The following HNF1A variants were observed in gnomAD, a reference collection of about 807,000 sequenced individuals.
HNF1A encodes the protein hepatocyte nuclear factor 1-alpha.
In HNF1A, 21 loss-of-function variants were observed where a neutral mutation model predicts 62.2. The ratio of observed to expected loss-of-function variants is 0.34; its 90% CI spans 0.24 to 0.49. The LOEUF (loss-of-function observed/expected upper bound fraction) is 0.49, where lower values mean the gene tolerates loss of function less well. HNF1A is among the 20% of genes least tolerant of loss of function. The probability of loss-of-function intolerance (pLI) is 0.99; values close to 1 mark genes in which losing one functional copy is unlikely to be tolerated. For synonymous variants in HNF1A, 374 were observed against 366.8 expected, an observed-to-expected ratio of 1.02 and a Z score of -0.22; for missense variants, 687 against 832.3, an observed-to-expected ratio of 0.83 and a Z score of 2.15.
chr12:120,999,079 C>T (rs370216903), intron 7 of HNF1A, among the ~76,000 whole-genome samples, 189 bp from the exon 8 acceptor site: 1 of 152,206 alleles, frequency 6.6e-6, no homozygotes, highest in East Asian at 1.9e-4. Flanking sequence ...TGAGCAGTTC[C>T]CTGTAATGGG....
At chr12:120,999,840 A>G (rs1592898705) in intron 9 of HNF1A, among the ~76,000 whole-genome samples, 2 of 152,266 alleles carry the variant, frequency 1.3e-5, no homozygotes, top group African/African-American at 4.8e-5. Flanking sequence ...CCCACCTTAC[A>G]AGAACATCTC....
chr12:120,981,473 C>T (rs1457293975), intron 1 of HNF1A, among the ~76,000 whole-genome samples: 1 of 152,200 alleles, frequency 6.6e-6, no homozygotes, highest in Non-Finnish European at 1.5e-5. Flanking sequence ...GCCTTGGTTT[C>T]GTTCCCCTCC....
chr12:120,988,808 A>C (rs970244130), intron 1 of HNF1A, 25 bp from the exon 2 acceptor site: 8 of 1,612,186 alleles, frequency 5.0e-6, no homozygotes, highest in Non-Finnish European at 6.8e-6. Context: ...CTTGCTGAGC[A>C]GATCCCGTCC....
rs558336959 is a variant in HNF1A, at chr12:120,990,261, C to A, written c.526+1229C>A. On this transcript the variant is annotated intron_variant, in intron 2 of 9. Transcript: ENST00000257555. ...GGTTCATGCCATTCTCCTGCCTCAG[C>A]CTCCCGAGTAGCTGGGACTACAGGT... 1.5e-4 allele frequency among the ~76,000 whole-genome samples: 23 copies of A among 152,200 alleles called. No homozygotes were observed. The South Asian group carries it at 4.4e-3, about 29-fold the overall frequency.
intron 6 of HNF1A, chr12:120,997,093 C>A (rs1162926557): frequency 5.7e-6 from 8 of 1,405,732 alleles, no homozygotes; most frequent in Non-Finnish European, 7.5e-6. Flanking sequence ...CCCTTATTTG[C>A]AGGTACAATT....
chr12:120,993,652 G>C lies in HNF1A; in HGVS notation c.659G>C (p.Arg220Thr), dbSNP rs1876936568. The C allele has an allele frequency of 6.2e-7, 1 of 1,614,008 alleles. No individual in the cohort carries two copies. ...SQQILFQAYE[R>T]QKNPSKEERE... The stretch of plus-strand genomic sequence containing the variant: ...CAGATCCTGTTCCAGGCCTATGAGA[G>C]GCAGAAGAACCCTAGCAAGGAGGAG... The change falls in exon 3 of 10, where the codon AGG (arginine) becomes ACG (threonine). Residue 220 changes from arginine to threonine, a missense_variant. This residue lies in a region of HNF1A where 47 missense variants were observed against 109.4 expected (regional missense o/e 0.43). Coordinates refer to ENST00000257555, the MANE Select transcript of HNF1A (RefSeq NM_000545.8).
Position 120,982,321 on chromosome 12 carries a change from C to T in HNF1A, c.326+3227C>T, listed in dbSNP as rs189914647. Among the ~76,000 whole-genome samples, 1,404 of 152,234 alleles carry T rather than the reference C, an allele frequency of 9.2e-3. 9 individuals are homozygous for T. Among genetic ancestry groups the T allele is most frequent in the Non-Finnish European group, 0.014 (920 of 68,006 alleles). On this transcript the variant is annotated intron_variant, in intron 1 of 9. Coordinates refer to ENST00000257555, the MANE Select transcript of HNF1A (RefSeq NM_000545.8). ...CTGACCTCAGGTGATCCGCCCGCCT[C>T]GGCCTCCCAAAGTGCTGGGATTACA...
rs1216376591 is a variant in HNF1A, at chr12:120,978,606, G to T, written c.-163G>T. 2.8e-6 allele frequency: 2 copies of T among 702,210 alleles called. No individual in the cohort carries two copies. Among genetic ancestry groups the T allele is most frequent in the African/African-American group, 3.5e-5 (2 of 57,392 alleles). 43.5% of individuals were successfully genotyped at this position (702,210 alleles called of 1,614,324 possible). On this transcript the variant is annotated 5_prime_UTR_variant, in exon 1 of 10. Coordinates refer to ENST00000257555, the MANE Select transcript of HNF1A (RefSeq NM_000545.8). The stretch of plus-strand genomic sequence containing the variant: ...ACGGGCCGCTGGGGCCAGGGTTGGG[G>T]GTTGGGGGTGCCCACAGGGCTTGGC...
chr12:120,989,338 A>T (rs1876696699), intron 2 of HNF1A, among the ~76,000 whole-genome samples: 1 of 151,642 alleles, frequency 6.6e-6, no homozygotes, highest in Admixed American at 6.6e-5. Flanking sequence ...GCTCACTGTG[A>T]CCTCCTCCTC....
intron 1 of HNF1A, among the ~76,000 whole-genome samples, chr12:120,986,151 T>C (rs1413751179): frequency 1.3e-5 from 2 of 152,160 alleles, no homozygotes; most frequent in Admixed American, 6.6e-5. Context: ...TTGCGTGCCC[T>C]CCGGTATTTT....
rs34056805 is a variant in HNF1A, at chr12:120,979,044, C to T, written c.276C>T (p.Leu92=). Residue 92 remains leucine, a synonymous_variant, in exon 1 of 10, where the codon CTC becomes CTT. Coordinates refer to ENST00000257555, the MANE Select transcript of HNF1A (RefSeq NM_000545.8). The stretch of plus-strand genomic sequence containing the variant: ...CCATCCTCAAAGAGCTGGAGAACCT[C>T]AGCCCTGAGGAGGCGGCCCACCAGA... ...TPPILKELEN[L]SPEEAAHQKA... is the part of the protein sequence containing the mutation. 788 of 1,612,340 alleles carry T rather than the reference C, an allele frequency of 4.9e-4. 3 individuals carry two copies. The African/African-American group carries it at 8.0e-3, about 16-fold the overall frequency.
chr12:120,979,221 G>A, intron 1 of HNF1A, 127 bp downstream of exon 1: 2 of 887,652 alleles, frequency 2.3e-6, no homozygotes, highest in Admixed American at 2.0e-5. Context: ...CTGGGAAGGG[G>A]GACAGGGCCC....
rs568268686 is a variant in HNF1A, at chr12:120,979,636, G to A, written c.326+542G>A. 9.5e-5 allele frequency: 15 copies of A among 158,702 alleles called. No homozygotes were observed. In the South Asian group the frequency reaches 2.5e-3, roughly 27 times the overall value. The allele number at this position is 158,702 out of a possible 1,614,324, so 9.8% of individuals were successfully genotyped here. A position where few individuals can be genotyped will look rare whatever the true frequency, so the allele number is the denominator to read the frequency against. ...TACCTGAGGCAGACAGAGCCTCGAGGTGGGAGCTGCTCCCCTTTCCTGTAT... is the reference window on the plus strand; with the variant it reads ...TACCTGAGGCAGACAGAGCCTCGAGATGGGAGCTGCTCCCCTTTCCTGTAT... On this transcript the variant is annotated intron_variant, in intron 1 of 9. Transcript: ENST00000257555.
At position 120,996,420 on chromosome 12, in the gene HNF1A, G is replaced by A. The variant is rs1593060703; in HGVS notation, c.1107+7G>A. On this transcript the variant is annotated splice_region_variant and intron_variant, in intron 5 of 9. Coordinates refer to ENST00000257555, the MANE Select transcript of HNF1A (RefSeq NM_000545.8). The surrounding 1 kb of genome is among the most constrained non-coding windows in gnomAD (Gnocchi z 4.5). ...GAGTACAGAAGCCAAGCTGGTGAGT[G>A]TCCTTGCTTGTAAGGAAAACCCAAC... 1.2e-6 allele frequency: 2 copies of A among 1,614,164 alleles called. No individual in the cohort carries two copies. Among genetic ancestry groups the A allele is most frequent in the Non-Finnish European group, 1.7e-6 (2 of 1,180,020 alleles).
intron 2 of HNF1A, 32 bp downstream of exon 2, chr12:120,989,064 G>T: frequency 3.1e-6 from 5 of 1,607,990 alleles, no homozygotes; most frequent in Non-Finnish European, 4.3e-6. Flanking sequence ...CATCTTCCCT[G>T]GGAGGGCCCA....
At chr12:120,982,453 C>T (rs566971730) in intron 1 of HNF1A, among the ~76,000 whole-genome samples, 3 of 148,606 alleles carry the variant, frequency 2.0e-5, no homozygotes, top group Admixed American at 6.7e-5. Flanking sequence ...ACAGTAGCCA[C>T]GGCAGGAGGG....
intron 8 of HNF1A, 25 bp from the exon 9 acceptor site, chr12:120,999,458 T>C (rs1877307535): frequency 1.2e-6 from 2 of 1,613,598 alleles, no homozygotes; most frequent in Non-Finnish European, 8.5e-7. Flanking sequence ...TCCCCCGGGC[T>C]CAGGAGGCTG....
rs773603125 is a variant in HNF1A, at chr12:120,979,117, C to A, written c.326+23C>A. 5.0e-6 allele frequency: 8 copies of A among 1,588,850 alleles called. No homozygotes were observed. The African/African-American group carries it at 1.1e-4, about 21-fold the overall frequency. ...GCAGTAAGGAGCCCTGCCCCGTCCC[C>A]GCTCCCAGGAGAGCCTAGAGGGGCC... On this transcript the variant is annotated intron_variant, in intron 1 of 9. Coordinates refer to ENST00000257555, the MANE Select transcript of HNF1A (RefSeq NM_000545.8).
At chr12:120,986,575 T>TTTTG (rs928797600) in intron 1 of HNF1A, among the ~76,000 whole-genome samples, 5 of 152,086 alleles carry the variant, frequency 3.3e-5, no homozygotes, top group East Asian at 1.9e-4. Context: ...ATCTGTAACT[T>TTTTG]TTTGTTTGTT....
Sources: gnomAD v4.1 joint callset for allele counts (sites outside exome capture counted in the v4.1 genomes callset) on GRCh38, gnomAD v4.1.1 for gene constraint, gnomAD v4.1.1 regional missense constraint, Gnocchi (gnomAD v3.1) non-coding constraint, MANE v1.5 for transcripts, NCBI Gene and HGNC (gene_info 2026-07-23, HGNC 2026-07-21) for gene names.